The following UBTD2 variants were observed in gnomAD, a reference collection of about 807,000 sequenced individuals.
The protein encoded by UBTD2 is ubiquitin domain containing 2.
Under a neutral mutation model 19.8 loss-of-function variants are expected in UBTD2, and 9 were observed. The observed-to-expected ratio is 0.46, with a 90% CI of 0.27 to 0.79. The LOEUF (loss-of-function observed/expected upper bound fraction) is 0.79, where lower values mean the gene tolerates loss of function less well. Ranked by LOEUF, UBTD2 falls within the 30% of genes least tolerant of loss-of-function variation. The pLI is 0.14. For missense variants in UBTD2, 250 were observed against 300.4 expected (o/e 0.83, Z 1.24); for synonymous variants, 98 against 103.9 (o/e 0.94, Z 0.35).
chr5:172,241,968 C>T (rs944170196), intron 1 of UBTD2, among the ~76,000 whole-genome samples: 1 of 152,198 alleles, frequency 6.6e-6, no homozygotes, highest in Non-Finnish European at 1.5e-5. Flanking sequence ...CAGTGAGCTG[C>T]GATCGTGCAA....
chr5:172,247,260 A>T (rs1434942918), intron 1 of UBTD2, among the ~76,000 whole-genome samples: 2 of 152,122 alleles, frequency 1.3e-5, no homozygotes, highest in South Asian at 2.1e-4. Flanking sequence ...ACAGCTCCAG[A>T]GATAAATGAT....
At chr5:172,264,630 T>C (rs1755337247) in intron 1 of UBTD2, among the ~76,000 whole-genome samples, 2 of 151,406 alleles carry the variant, frequency 1.3e-5, no homozygotes, top group Middle Eastern at 6.8e-3. Context: ...GTAATCCACT[T>C]TGGGAGGCCA....
Position 172,283,655 on chromosome 5 carries a change from C to A in UBTD2, c.11G>T (p.Cys4Phe). The change falls in exon 1 of 3, where the codon TGT (cysteine) becomes TTT (phenylalanine). Residue 4 changes from cysteine (C) to phenylalanine (F), a missense_variant. Cys to Phe is a radical substitution (Grantham distance 205). Transcript: ENST00000393792. The surrounding 1 kb of genome is among the most constrained non-coding windows in gnomAD (Gnocchi z 4.3). MGG[C>F]VGAQHDSSGS... ...CGAGGAGTCGTGCTGGGCGCCCACA[C>A]ACCCGCCCATGGGGGCCCCCGGCGC... 1 of 1,253,502 alleles carries A rather than the reference C, an allele frequency of 8.0e-7. No homozygotes were observed. Among genetic ancestry groups the A allele is most frequent in the Non-Finnish European group, 1.0e-6 (1 of 993,574 alleles). 77.6% of individuals were successfully genotyped at this position (1,253,502 alleles called of 1,614,324 possible).
chr5:172,229,296 C>G (rs570854307), intron 2 of UBTD2, among the ~76,000 whole-genome samples: 4 of 151,918 alleles, frequency 2.6e-5, no homozygotes, highest in African/African-American at 4.8e-5. Context: ...GTCAGGAGAT[C>G]GAGACCATCC....
chr5:172,215,911 CA>C (rs1771532083), intron 2 of UBTD2, among the ~76,000 whole-genome samples: 1 of 152,082 alleles, frequency 6.6e-6, no homozygotes, highest in South Asian at 2.1e-4. Flanking sequence ...CAAAAAAGAC[CA>C]AAAAACCTTG....
At chr5:172,229,324 C>T (rs1164676336) in intron 2 of UBTD2, among the ~76,000 whole-genome samples, 4 of 151,764 alleles carry the variant, frequency 2.6e-5, no homozygotes, top group Non-Finnish European at 5.9e-5. Flanking sequence ...CACGGTGAAA[C>T]CCTGTCTCTA....
intron 1 of UBTD2, among the ~76,000 whole-genome samples, chr5:172,255,736 G>C (rs1328912167): frequency 6.6e-6 from 1 of 152,170 alleles, no homozygotes; most frequent in Admixed American, 6.5e-5. Flanking sequence ...GGCTGGCAGG[G>C]TAAGAAGAGG....
intron 2 of UBTD2, among the ~76,000 whole-genome samples, chr5:172,219,840 G>A (rs1407474364): frequency 6.6e-6 from 1 of 152,142 alleles, no homozygotes; most frequent in Non-Finnish European, 1.5e-5. Flanking sequence ...TACATTTGTG[G>A]GTGGAAGACA....
At chr5:172,247,494 A>T (rs1754903905) in intron 1 of UBTD2, among the ~76,000 whole-genome samples, 1 of 152,164 alleles carries the variant, frequency 6.6e-6, no homozygotes, top group African/African-American at 2.4e-5. Context: ...CCTGAGCAAC[A>T]CTTTCTCAAA....
rs143769063 is a variant in UBTD2, at chr5:172,260,673, G to A, written c.70+22923C>T. Among the ~76,000 whole-genome samples, 816 of 152,268 alleles carry A rather than the reference G, an allele frequency of 5.4e-3. 9 individuals carry two copies. The highest frequency in any genetic ancestry group is 0.018 in the African/African-American group (764 of 41,552). On this transcript the variant is annotated intron_variant, in intron 1 of 2. Coordinates refer to ENST00000393792, the MANE Select transcript of UBTD2 (RefSeq NM_152277.3). ...TGTCATTTCATTCAATAACAGATAA[G>A]CAATTCTTCCCATTCTCAGAGCTCT... is the stretch of plus-strand genomic sequence containing the variant.
At chr5:172,242,259 G>T in intron 1 of UBTD2, 2 of 430,628 alleles carry the variant, frequency 4.6e-6, no homozygotes, top group Non-Finnish European at 6.2e-6. Context: ...TTCCTTTATG[G>T]CAAGGCAAAC....
chr5:172,260,620 T>G lies in UBTD2; in HGVS notation c.70+22976A>C, dbSNP rs565863592. Among the ~76,000 whole-genome samples, 21 of 152,340 alleles carry G rather than the reference T, an allele frequency of 1.4e-4. No homozygotes were observed. In the South Asian group the frequency reaches 4.3e-3, roughly 32 times the overall value. On this transcript the variant is annotated intron_variant, in intron 1 of 2. Coordinates refer to ENST00000393792, the MANE Select transcript of UBTD2 (RefSeq NM_152277.3). ...CTACAACTGATACAATGCAGAAAGA[T>G]AGTCTCCTTGCTTCCAAGACTATTA...
chr5:172,266,228 G>A (rs1755374499), intron 1 of UBTD2, among the ~76,000 whole-genome samples: 1 of 152,142 alleles, frequency 6.6e-6, no homozygotes, highest in African/African-American at 2.4e-5. Context: ...ACCGCACCTG[G>A]CCAGCACCAC....
At chr5:172,218,813 AAAAT>A (rs1386467484) in intron 2 of UBTD2, among the ~76,000 whole-genome samples, 1,370 of 74,000 alleles carry the variant, frequency 0.019, 20 homozygotes, top group African/African-American at 0.058. Flanking sequence ...AAAAAAATAA[AAAAT>A]AAAAATAAAA....
At chr5:172,254,648 C>A (rs558666032) in intron 1 of UBTD2, 1 of 617,590 alleles carries the variant, frequency 1.6e-6, no homozygotes. Context: ...TCCTCCACTT[C>A]GAGTATCCGG....
chr5:172,264,472 C>G (rs1272023817), intron 1 of UBTD2, among the ~76,000 whole-genome samples: 2 of 150,280 alleles, frequency 1.3e-5, no homozygotes, highest in Non-Finnish European at 2.9e-5. Context: ...ACCCAGGAAG[C>G]AGAGGTTGCA....
chr5:172,256,020 C>T (rs1164154740), intron 1 of UBTD2, among the ~76,000 whole-genome samples: 2 of 149,778 alleles, frequency 1.3e-5, no homozygotes, highest in East Asian at 2.0e-4. Flanking sequence ...ACCCAGGAGG[C>T]GAAGGTTGCA....
intron 1 of UBTD2, among the ~76,000 whole-genome samples, chr5:172,282,862 AAGTC>A (rs1400476732): frequency 1.3e-5 from 2 of 152,200 alleles, no homozygotes; most frequent in African/African-American, 4.8e-5. Flanking sequence ...TGGGTGGGGT[AAGTC>A]AGGGTCCAAC....
Position 172,211,393 on chromosome 5 carries a change from A to AAAACAAAAC in UBTD2, c.*436_*437insGTTTTGTTT, listed in dbSNP as rs1347299743. The AAAACAAAAC allele has an allele frequency of 1.4e-5, 2 of 148,134 alleles. No individual in the cohort carries two copies. The highest frequency in any genetic ancestry group is 5.1e-5 in the African/African-American group (2 of 39,098). 9.2% of individuals were successfully genotyped at this position (148,134 alleles called of 1,614,324 possible). A position where few individuals can be genotyped will look rare whatever the true frequency, so the allele number is the denominator to read the frequency against. On this transcript the variant is annotated 3_prime_UTR_variant, in exon 3 of 3. Coordinates refer to ENST00000393792, the MANE Select transcript of UBTD2 (RefSeq NM_152277.3). ...CAAAACAAAACAAAACAAAACAAAA[A>AAAACAAAAC]GGTTAAGTTTTATATCCATTATTTA...
Sources: allele counts gnomAD v4.1 joint callset (sites outside exome capture counted in the v4.1 genomes callset), GRCh38; gene constraint gnomAD v4.1.1; non-coding constraint Gnocchi (gnomAD v3.1); transcripts MANE v1.5; gene names NCBI Gene and HGNC (gene_info 2026-07-23, HGNC 2026-07-21).